The following C3orf49 variants were observed in gnomAD, a reference collection of about 807,000 sequenced individuals.
C3orf49 encodes chromosome 3 open reading frame 49.
Under a neutral mutation model 13.3 loss-of-function variants are expected in C3orf49, and 27 were observed. The ratio of observed to expected loss-of-function variants is 2.02; its 90% CI spans 1.49 to 2.79. C3orf49 has a LOEUF of 2.79. C3orf49 is among the 30% of genes most tolerant of loss of function. The probability of loss-of-function intolerance (pLI) is 0.00; values close to 1 mark genes in which losing one functional copy is unlikely to be tolerated. For synonymous variants in C3orf49, 87 were observed against 47.6 expected, an observed-to-expected ratio of 1.83 and a Z score of -3.40; for missense variants, 242 against 134.2, an observed-to-expected ratio of 1.80 and a Z score of -3.97.
the C3orf49 span, among the ~76,000 whole-genome samples, chr3:63,797,364 T>G: frequency 1.3e-5 from 2 of 152,142 alleles, no homozygotes; most frequent in African/African-American, 4.8e-5. Context: ...CTTTGGAGGG[T>G]AGGCCTTTGT....
At chr3:63,806,484 C>A in the C3orf49 span, among the ~76,000 whole-genome samples, 170 of 152,268 alleles carry the variant, frequency 1.1e-3, no homozygotes, top group Non-Finnish European at 1.6e-3. Context: ...ATGGCACTGG[C>A]CATTTCAGTA....
upstream of C3orf49, among the ~76,000 whole-genome samples, chr3:63,818,619 G>T (rs1352838505): frequency 4.6e-5 from 7 of 152,222 alleles, no homozygotes; most frequent in Non-Finnish European, 1.0e-4. Flanking sequence ...AGTAATTCTT[G>T]TAACTCCCAG....
intron 5 of C3orf49, among the ~76,000 whole-genome samples, chr3:63,843,895 C>T (rs1336356521): frequency 1.3e-5 from 2 of 150,758 alleles, no homozygotes; most frequent in Non-Finnish European, 2.9e-5. Flanking sequence ...AGTGAGACTC[C>T]GTCTCAGAAA....
chr3:63,814,127 GTGAGTA>G, the C3orf49 span, among the ~76,000 whole-genome samples: 7 of 152,260 alleles, frequency 4.6e-5, no homozygotes, highest in African/African-American at 1.7e-4. Context: ...CTGAATGCTT[GTGAGTA>G]TGTTTAACTT....
the C3orf49 span, chr3:63,782,469 T>G: frequency 3.3e-5 from 5 of 152,238 alleles, no homozygotes; most frequent in African/African-American, 1.2e-4. Context: ...TGTACATTGA[T>G]GAGAAAAATC....
At chr3:63,836,307 G>A (rs2107117883) in intron 5 of C3orf49, 1 of 1,612,310 alleles carries the variant, frequency 6.2e-7, no homozygotes, top group East Asian at 2.2e-5. Flanking sequence ...TTACTTTAAT[G>A]TCTCATGCCT....
upstream of C3orf49, among the ~76,000 whole-genome samples, chr3:63,817,026 G>A (rs1387099292): frequency 6.6e-6 from 1 of 151,766 alleles, no homozygotes; most frequent in East Asian, 1.9e-4. Flanking sequence ...CACCCACCTC[G>A]GCCTCCCAAA....
the C3orf49 span, among the ~76,000 whole-genome samples, chr3:63,811,621 C>T: frequency 6.6e-6 from 1 of 151,496 alleles, no homozygotes; most frequent in Admixed American, 6.6e-5. Context: ...CTGGCTCACA[C>T]CTATAGTCCC....
At chr3:63,810,835 C>A in the C3orf49 span, among the ~76,000 whole-genome samples, 1 of 152,168 alleles carries the variant, frequency 6.6e-6, no homozygotes, top group Non-Finnish European at 1.5e-5. Flanking sequence ...AGAATATCAA[C>A]CCATCCACCA....
At chr3:63,828,685 G>A (rs542049665) in intron 3 of C3orf49, among the ~76,000 whole-genome samples, 8 of 152,190 alleles carry the variant, frequency 5.3e-5, no homozygotes, top group Admixed American at 1.3e-4. Context: ...TTAGATACAA[G>A]ACTTACCTTA....
chr3:63,829,003 T>C (rs1428414357), intron 3 of C3orf49, among the ~76,000 whole-genome samples: 19 of 152,222 alleles, frequency 1.2e-4, no homozygotes, highest in Admixed American at 1.2e-3. Flanking sequence ...TTGCACTAGC[T>C]ACGTTTCAAA....
chr3:63,803,624 T>C, the C3orf49 span, among the ~76,000 whole-genome samples: 1 of 152,132 alleles, frequency 6.6e-6, no homozygotes. Flanking sequence ...ATGGGGACCA[T>C]GTAGAGGAGC....
chr3:63,807,627 C>G, the C3orf49 span, among the ~76,000 whole-genome samples: 7 of 151,634 alleles, frequency 4.6e-5, no homozygotes, highest in Non-Finnish European at 7.4e-5. Context: ...AGGTCGAGAC[C>G]AGTGGATCAC....
At chr3:63,781,189 G>T in the C3orf49 span, among the ~76,000 whole-genome samples, 15 of 150,890 alleles carry the variant, frequency 9.9e-5, 1 homozygote, top group South Asian at 1.9e-3. Context: ...AAGGGATCCA[G>T]TTTCAGCTTT....
chr3:63,783,317 CAAG>C, the C3orf49 span, among the ~76,000 whole-genome samples: 3 of 152,018 alleles, frequency 2.0e-5, no homozygotes, highest in Non-Finnish European at 4.4e-5. Context: ...ATTTTTCCTA[CAAG>C]AAGATTATCT....
chr3:63,789,752 A>G, the C3orf49 span, among the ~76,000 whole-genome samples: 1 of 143,698 alleles, frequency 7.0e-6, no homozygotes, highest in African/African-American at 2.6e-5. Flanking sequence ...CAGAGGTTGC[A>G]GTGAGCCAAG....
chr3:63,828,882 A>C (rs942762590), intron 3 of C3orf49, among the ~76,000 whole-genome samples: 1 of 152,222 alleles, frequency 6.6e-6, no homozygotes, highest in Non-Finnish European at 1.5e-5. Flanking sequence ...AGTCCTTAGT[A>C]GTAATTGCCA....
intron 5 of C3orf49, among the ~76,000 whole-genome samples, chr3:63,841,894 G>C (rs1163188994): frequency 6.6e-6 from 1 of 152,110 alleles, no homozygotes; most frequent in Non-Finnish European, 1.5e-5. Context: ...TCCTTTGCTA[G>C]TCTTATCTGT....
chr3:63,808,823 T>A, the C3orf49 span, among the ~76,000 whole-genome samples: 4 of 152,168 alleles, frequency 2.6e-5, no homozygotes, highest in African/African-American at 9.7e-5. Flanking sequence ...AAATGTGATG[T>A]ATCCAGGAAA....
Sources: allele counts gnomAD v4.1 joint callset (sites outside exome capture counted in the v4.1 genomes callset), GRCh38; gene constraint gnomAD v4.1.1; transcripts MANE v1.5; gene names NCBI Gene and HGNC (gene_info 2026-07-23, HGNC 2026-07-21).